UBA7: variants seen among roughly 807,000 people sequenced by gnomAD.
UBA7 encodes ubiquitin-like modifier-activating enzyme 7.
A neutral mutation model predicts 113.0 loss-of-function variants in UBA7; 88 were observed. The observed-to-expected ratio is 0.78, with a 90% CI of 0.66 to 0.93. The LOEUF is 0.93. Ranked by LOEUF, UBA7 falls within the 40% of genes least tolerant of loss-of-function variation. The pLI is 0.00. For synonymous variants in UBA7, 459 were observed against 513.0 expected, an observed-to-expected ratio of 0.89 and a Z score of 1.42; for missense variants, 1,092 against 1,266.4, an observed-to-expected ratio of 0.86 and a Z score of 2.09.
In UBA7 at chr3:49,812,663, G is replaced by T. The variant is rs1293258324; in HGVS notation, c.543C>A (p.Ile181=). ...PTEAEPLTAA[I]QHISQGSPGI... ...CAGCACCCACCTGGGAGATGTGCTG[G>T]ATGGCAGCTGTCAGGGGTTCTGCCT... The change falls in exon 5 of 24, where the codon ATC becomes ATA. Residue 181 remains isoleucine, a synonymous_variant. Transcript: ENST00000333486. The T allele has an allele frequency of 1.2e-6, 2 of 1,614,094 alleles. No homozygotes were observed. The highest frequency in any genetic ancestry group is 2.2e-5 in the South Asian group (2 of 91,088).
chr3:49,808,842 G>T, intron 18 of UBA7, 134 bp downstream of exon 18: 1 of 1,161,278 alleles, frequency 8.6e-7, no homozygotes, highest in Admixed American at 2.7e-5. Context: ...GAGGAGTGAG[G>T]TTAGGAGGCC....
chr3:49,812,114 T>TCA lies in UBA7; in HGVS notation c.785_786dup (p.Arg263Ter), dbSNP rs1217064077. The TCA allele has an allele frequency of 1.2e-6, 2 of 1,614,200 alleles. No individual in the cohort carries two copies. The highest frequency in any genetic ancestry group is 1.7e-6 in the Non-Finnish European group (2 of 1,180,026). Reference sequence around the variant, plus strand: ...TCAGATGCACTTGCACTCACATGTCTCACAGTCTTGGGTCTCTTGACTTCA... The same window carrying TCA: ...TCAGATGCACTTGCACTCACATGTCTCACACAGTCTTGGGTCTCTTGACTTCA... On this transcript the variant is annotated frameshift_variant, in exon 7 of 24. Transcript: ENST00000333486. LOFTEE classifies it high-confidence loss of function.
chr3:49,813,345 G>A lies in UBA7; in HGVS notation c.264C>T (p.Ala88=), dbSNP rs144077688. Residue 88 remains alanine, a synonymous_variant, in exon 3 of 24, where the codon GCC becomes GCT. Transcript: ENST00000333486. ...LSEQDLERSR[A]EASQELLAQL... ...GAGCCAAGAGCTCTTGAGAGGCCTCGGCTCTGCTCCTTTCCAAGTCCTGCT... is the reference window on the plus strand; with the variant it reads ...GAGCCAAGAGCTCTTGAGAGGCCTCAGCTCTGCTCCTTTCCAAGTCCTGCT... 797 of 1,614,024 alleles carry A rather than the reference G, an allele frequency of 4.9e-4. 7 individuals carry two copies. Among genetic ancestry groups the A allele is most frequent in the Non-Finnish European group, 7.1e-5 (84 of 1,180,042 alleles).
intron 6 of UBA7, 49 bp from the exon 7 acceptor site, chr3:49,812,255 T>C: frequency 1.2e-6 from 2 of 1,611,594 alleles, no homozygotes; most frequent in East Asian, 4.5e-5. Flanking sequence ...CCTGAGTAGT[T>C]CCCACACCCC....
intron 14 of UBA7, 27 bp downstream of exon 14, chr3:49,809,951 G>A (rs2108300550): frequency 1.2e-6 from 2 of 1,614,084 alleles, no homozygotes; most frequent in South Asian, 2.2e-5. Flanking sequence ...AGCTGGGTGG[G>A]GTGGGAGTCT....
intron 5 of UBA7, 37 bp from the exon 6 acceptor site, chr3:49,812,580 C>G: frequency 6.2e-7 from 1 of 1,614,088 alleles, no homozygotes; most frequent in South Asian, 1.1e-5. Flanking sequence ...GTTGCCTGGA[C>G]CTGCCTTCCA....
chr3:49,811,501 ACT>A, intron 8 of UBA7, 46 bp from the exon 9 acceptor site: 1 of 1,548,938 alleles, frequency 6.5e-7, no homozygotes, highest in Non-Finnish European at 8.7e-7. Context: ...CCTGAGCTCT[ACT>A]CCTGACTCAA....
intron 23 of UBA7, among the ~76,000 whole-genome samples, chr3:49,805,676 G>A (rs1428944109): frequency 6.6e-6 from 1 of 152,134 alleles, no homozygotes; most frequent in Non-Finnish European, 1.5e-5. Context: ...AGCATGTGGG[G>A]AGCCCATGGG....
intron 3 of UBA7, 32 bp downstream of exon 3, chr3:49,813,217 C>T (rs2081577647): frequency 4.3e-6 from 7 of 1,613,616 alleles, no homozygotes; most frequent in Non-Finnish European, 5.9e-6. Context: ...CCCAGCCCTT[C>T]CTGCTCTTGA....
rs1275888624 is a variant in UBA7, at chr3:49,809,731, G to A, written c.1905-6C>T. On this transcript the variant is annotated splice_polypyrimidine_tract_variant and splice_region_variant and intron_variant, in intron 15 of 23. Transcript: ENST00000333486. ...CTGCCAGGGAAGTGTGTGCCCTGCA[G>A]AGAGAGGAGGAAGTGTGAGACTGAG... 6.2e-7 allele frequency: 1 copy of A among 1,614,006 alleles called. No homozygotes were observed. Among genetic ancestry groups the A allele is most frequent in the East Asian group, 2.2e-5 (1 of 44,900 alleles).
chr3:49,805,815 TG>T, intron 23 of UBA7, 81 bp downstream of exon 23: 1 of 1,341,836 alleles, frequency 7.5e-7, no homozygotes, highest in Non-Finnish European at 1.0e-6. Context: ...AGAATGGGGC[TG>T]GGAAGACAAA....
At position 49,807,678 on chromosome 3, in the gene UBA7, G is replaced by C. The variant is rs1456196062; in HGVS notation, c.2715+58C>G. ...GGCAGCTAGATTGGGGCCTGTATGG[G>C]CAGGTGCAGGGGAAACCCAGGCCTA... is the stretch of plus-strand genomic sequence containing the variant. On this transcript the variant is annotated intron_variant, in intron 21 of 23. Transcript: ENST00000333486. The surrounding 1 kb of genome is among the most constrained non-coding windows in gnomAD (Gnocchi z 4.0). 1.3e-6 allele frequency: 2 copies of C among 1,536,126 alleles called. No homozygotes were observed. The highest frequency in any genetic ancestry group is 1.8e-6 in the Non-Finnish European group (2 of 1,140,386).
Position 49,807,976 on chromosome 3 carries a change from T to A in UBA7, c.2523+44A>T, listed in dbSNP as rs770703127. On this transcript the variant is annotated intron_variant, in intron 20 of 23. Transcript: ENST00000333486. The surrounding 1 kb of genome is among the most constrained non-coding windows in gnomAD (Gnocchi z 4.0). ...CTGGGCCCAAGGCGTAGGGCCAGGGTTTGCCCTCCACCTCCAGGCCCAAGC... is the reference window on the plus strand; with the variant it reads ...CTGGGCCCAAGGCGTAGGGCCAGGGATTGCCCTCCACCTCCAGGCCCAAGC... The A allele has an allele frequency of 1.9e-6, 3 of 1,613,840 alleles. No individual in the cohort carries two copies. The African/African-American group carries it at 4.0e-5, about 22-fold the overall frequency.
intron 3 of UBA7, 32 bp from the exon 4 acceptor site, chr3:49,813,200 A>T: frequency 6.2e-7 from 1 of 1,613,522 alleles, no homozygotes; most frequent in Non-Finnish European, 8.5e-7. Flanking sequence ...CAGGGCCAAA[A>T]CCATTGCCCA....
rs773389504 is a variant in UBA7, at chr3:49,805,971, G to T, written c.2835C>A (p.Ile945=). 21 of 1,566,928 alleles carry T rather than the reference G, an allele frequency of 1.3e-5. No individual in the cohort carries two copies. The highest frequency in any genetic ancestry group is 1.8e-5 in the Non-Finnish European group (21 of 1,155,670). Reference sequence around the variant, plus strand: ...AGAGCAGGGCTGAGCCGTGCAGCAGGATCCTCACCCTCAACCCGTGCTGCT... The same window carrying T: ...AGAGCAGGGCTGAGCCGTGCAGCAGTATCCTCACCCTCAACCCGTGCTGCT... ...LQEQHGLRVR[I]LLHGSALLYA... The change falls in exon 23 of 24, where the codon ATC becomes ATA. Residue 945 remains isoleucine (I), a synonymous_variant. Transcript: ENST00000333486.
chr3:49,813,251 G>A lies in UBA7; in HGVS notation c.358C>T (p.Gln120Ter). The change falls in exon 3 of 24, where the codon CAG becomes TAG. Residue 120 changes from glutamine (Q) to a stop codon, truncating the protein, a stop_gained and splice_region_variant. Coordinates refer to ENST00000333486, the MANE Select transcript of UBA7 (RefSeq NM_003335.3). LOFTEE classifies it high-confidence loss of function. ...GAGGGCTGCAGGCCTGAGCTGACCT[G>A]GAAGTCCAACAGCAGGTCCTCAGTG... ...DITEDLLLDF[Q>*]VVVLTAAKLE... The A allele has an allele frequency of 6.2e-7, 1 of 1,614,048 alleles. No homozygotes were observed. Among genetic ancestry groups the A allele is most frequent in the Non-Finnish European group, 8.5e-7 (1 of 1,179,974 alleles).
chr3:49,810,675 G>C lies in UBA7; in HGVS notation c.1312-3C>G, dbSNP rs1380152326. 1 of 1,614,110 alleles carries C rather than the reference G, an allele frequency of 6.2e-7. No homozygotes were observed. Among genetic ancestry groups the C allele is most frequent in the Admixed American group, 1.7e-5 (1 of 60,020 alleles). On this transcript the variant is annotated splice_region_variant and splice_polypyrimidine_tract_variant and intron_variant, in intron 11 of 23. Coordinates refer to ENST00000333486, the MANE Select transcript of UBA7 (RefSeq NM_003335.3). The surrounding 1 kb of genome is among the most constrained non-coding windows in gnomAD (Gnocchi z 5.6). ...CAACCAATGGCACCAGCGCCCACCTGTTGGCAGGAACAGCCTTAGCCAGAG... is the reference window on the plus strand; with the variant it reads ...CAACCAATGGCACCAGCGCCCACCTCTTGGCAGGAACAGCCTTAGCCAGAG...
intron 8 of UBA7, 79 bp from the exon 9 acceptor site, chr3:49,811,534 T>G: frequency 6.6e-7 from 1 of 1,516,722 alleles, no homozygotes; most frequent in Non-Finnish European, 8.9e-7. Context: ...CCACCCTCCA[T>G]CCACCCTGTT....
intron 6 of UBA7, 58 bp from the exon 7 acceptor site, chr3:49,812,264 C>T: frequency 1.2e-6 from 2 of 1,611,444 alleles, no homozygotes; most frequent in South Asian, 2.2e-5. Context: ...TTCCCACACC[C>T]CATCCTATCT....
Sources: gnomAD v4.1 joint callset for allele counts (sites outside exome capture counted in the v4.1 genomes callset) on GRCh38, gnomAD v4.1.1 for gene constraint, Gnocchi (gnomAD v3.1) non-coding constraint, MANE v1.5 for transcripts, NCBI Gene and HGNC (gene_info 2026-07-23, HGNC 2026-07-21) for gene names.